Variants in TMEM174 observed in about 807,000 individuals in gnomAD.
The protein encoded by TMEM174 is transmembrane protein 174.
Under a neutral mutation model 15.1 loss-of-function variants are expected in TMEM174, and 11 were observed. The observed-to-expected ratio is 0.73, with a 90% CI of 0.46 to 1.20. The LOEUF is 1.20. Among genes scored for constraint, TMEM174 ranks in the 50% most tolerant of loss-of-function variants. The probability of loss-of-function intolerance (pLI) is 0.00; values close to 1 mark genes in which losing one functional copy is unlikely to be tolerated. For synonymous variants in TMEM174, 130 were observed against 121.3 expected, an observed-to-expected ratio of 1.07 and a Z score of -0.47; for missense variants, 321 against 303.6, an observed-to-expected ratio of 1.06 and a Z score of -0.43.
rs200375260 is a variant in TMEM174, at chr5:73,173,310, C to T, written c.67C>T (p.Pro23Ser). Residue 23 changes from proline (P) to serine (S), a missense_variant, in exon 1 of 2, where the codon CCC becomes TCC. Transcript: ENST00000296776. ...VNVFSVTPYT[P>S]STADIQVSDD... ...TGTGTTCTCCGTCACTCCTTACACACCCAGCACCGCTGACATCCAGGTGTC... is the reference window on the plus strand; with the variant it reads ...TGTGTTCTCCGTCACTCCTTACACATCCAGCACCGCTGACATCCAGGTGTC... 9.0e-5 allele frequency: 142 copies of T among 1,577,802 alleles called. No homozygotes were observed. The highest frequency in any genetic ancestry group is 1.5e-4 in the African/African-American group (11 of 74,318).
chr5:73,174,402 G>C lies in TMEM174; in HGVS notation c.*237G>C, dbSNP rs967955669. ...CTCCGGAACAGTTTCAAATTCCCTCGGGTAAGAAATCTCCTGTATAAGGTT... is the reference window on the plus strand; with the variant it reads ...CTCCGGAACAGTTTCAAATTCCCTCCGGTAAGAAATCTCCTGTATAAGGTT... On this transcript the variant is annotated 3_prime_UTR_variant, in exon 2 of 2. Coordinates refer to ENST00000296776, the MANE Select transcript of TMEM174 (RefSeq NM_153217.3). The C allele has an allele frequency of 9.7e-6, 5 of 513,662 alleles. No individual in the cohort carries two copies. The highest frequency in any genetic ancestry group is 6.5e-5 in the East Asian group (2 of 30,542). 31.8% of individuals were successfully genotyped at this position (513,662 alleles called of 1,614,324 possible). A position where few individuals can be genotyped will look rare whatever the true frequency, so the allele number is the denominator to read the frequency against.
chr5:73,173,984 G>A (rs1017252325), intron 1 of TMEM174, 76 bp from the exon 2 acceptor site: 3 of 1,605,610 alleles, frequency 1.9e-6, no homozygotes, highest in South Asian at 1.1e-5. Context: ...TTAGCCTGTT[G>A]CCCACGATGG....
chr5:73,173,515 G>A lies in TMEM174; in HGVS notation c.272G>A (p.Cys91Tyr), dbSNP rs760014201. 1 of 1,614,232 alleles carries A rather than the reference G, an allele frequency of 6.2e-7. No homozygotes were observed. Among genetic ancestry groups the A allele is most frequent in the South Asian group, 1.1e-5 (1 of 91,086 alleles). ...GTGACATTCATCCTGATTGCTGTGT[G>A]CAAGTTCAAAATGCTCTCCTGCCAG... The part of the protein sequence containing the change: ...VGVTFILIAV[C>Y]KFKMLSCQLC... The change falls in exon 1 of 2, where the codon TGC becomes TAC. Residue 91 changes from cysteine to tyrosine, a missense_variant. Physicochemically the swap from Cys to Tyr is radical, Grantham distance 194 (BLOSUM62 -2). Coordinates refer to ENST00000296776, the MANE Select transcript of TMEM174 (RefSeq NM_153217.3).
At position 73,174,072 on chromosome 5, in the gene TMEM174, T is replaced by A. The variant is rs142430113; in HGVS notation, c.639T>A (p.Asp213Glu). The A allele has an allele frequency of 4.0e-5, 65 of 1,613,838 alleles. No individual in the cohort carries two copies. The highest frequency in any genetic ancestry group is 4.8e-5 in the Non-Finnish European group (57 of 1,180,016). ...GCTCACATTTCAGGCCCAATCCTGATGTTGACCAGCTAGAAGAGACACAGC... is the reference window on the plus strand; with the variant it reads ...GCTCACATTTCAGGCCCAATCCTGAAGTTGACCAGCTAGAAGAGACACAGC... ...TDGGNHRPNP[D>E]VDQLEETQLE... The change falls in exon 2 of 2, where the codon GAT becomes GAA. Residue 213 changes from aspartate to glutamate, a missense_variant. Transcript: ENST00000296776.
At position 73,173,202 on chromosome 5, in the gene TMEM174, A is replaced by G. The variant is rs1347090706; in HGVS notation, c.-42A>G. The G allele has an allele frequency of 6.6e-7, 1 of 1,514,846 alleles. No individual in the cohort carries two copies. Among genetic ancestry groups the G allele is most frequent in the Admixed American group, 2.3e-5 (1 of 44,014 alleles). 93.8% of individuals were successfully genotyped at this position (1,514,846 alleles called of 1,614,324 possible). A position where few individuals can be genotyped will look rare whatever the true frequency, so the allele number is the denominator to read the frequency against. ...GACCTGTGATTCCTTGGTTCTCACA[A>G]TCCTCTCCACTCTAAGAAGCAGGGT... is the stretch of plus-strand genomic sequence containing the variant. On this transcript the variant is annotated 5_prime_UTR_variant, in exon 1 of 2. Coordinates refer to ENST00000296776, the MANE Select transcript of TMEM174 (RefSeq NM_153217.3).
rs1266115333 is a variant in TMEM174, at chr5:73,174,257, C to A, written c.*92C>A. Reference sequence around the variant, plus strand: ...ACAACCGTGGTGTTCTATGTTGTAACCTTCAGAAGTTACAGCAGCGCCCAG... The same window carrying A: ...ACAACCGTGGTGTTCTATGTTGTAAACTTCAGAAGTTACAGCAGCGCCCAG... On this transcript the variant is annotated 3_prime_UTR_variant, in exon 2 of 2. Coordinates refer to ENST00000296776, the MANE Select transcript of TMEM174 (RefSeq NM_153217.3). 1.7e-5 allele frequency: 21 copies of A among 1,260,946 alleles called. No individual in the cohort carries two copies. Among genetic ancestry groups the A allele is most frequent in the African/African-American group, 7.3e-5 (5 of 68,216 alleles). 78.1% of individuals were successfully genotyped at this position (1,260,946 alleles called of 1,614,324 possible). A position where few individuals can be genotyped will look rare whatever the true frequency, so the allele number is the denominator to read the frequency against.
chr5:73,174,380 C>T lies in TMEM174; in HGVS notation c.*215C>T, dbSNP rs531486349. 7.9e-4 allele frequency: 433 copies of T among 547,942 alleles called. 1 individual carries two copies. The highest frequency in any genetic ancestry group is 1.1e-3 in the Non-Finnish European group (352 of 308,554). 33.9% of individuals were successfully genotyped at this position (547,942 alleles called of 1,614,324 possible). A position where few individuals can be genotyped will look rare whatever the true frequency, so the allele number is the denominator to read the frequency against. ...AGGCTGGGCTGGGGAAATTCTCCTC[C>T]GGAACAGTTTCAAATTCCCTCGGGT... On this transcript the variant is annotated 3_prime_UTR_variant, in exon 2 of 2. Transcript: ENST00000296776.
rs772594188 is a variant in TMEM174, at chr5:73,173,711, C to T, written c.468C>T (p.Tyr156=). 3 of 1,614,152 alleles carry T rather than the reference C, an allele frequency of 1.9e-6. No homozygotes were observed. The highest frequency in any genetic ancestry group is 2.2e-5 in the South Asian group (2 of 91,080). The stretch of plus-strand genomic sequence containing the variant: ...AGCCTATGGGGATAAATACCAGCTA[C>T]CTGCAGTCTGTGGTGAGCCCCTGCG... ...SPEPMGINTS[Y]LQSVVSPCGL... is the part of the protein sequence containing the mutation. Residue 156 remains tyrosine (Y), a synonymous_variant, in exon 1 of 2, where the codon TAC becomes TAT. Transcript: ENST00000296776.
In TMEM174 at chr5:73,174,310, G is replaced by C; in HGVS notation, c.*145G>C. 1.4e-6 allele frequency: 1 copy of C among 696,728 alleles called. No individual in the cohort carries two copies. 43.2% of individuals were successfully genotyped at this position (696,728 alleles called of 1,614,324 possible). Reference sequence around the variant, plus strand: ...AGCCTGACAGAGATCATTCAAGGGGGGAAAGGGGAAGTGGGAGGTGCAATT... The same window carrying C: ...AGCCTGACAGAGATCATTCAAGGGGCGAAAGGGGAAGTGGGAGGTGCAATT... On this transcript the variant is annotated 3_prime_UTR_variant, in exon 2 of 2. Coordinates refer to ENST00000296776, the MANE Select transcript of TMEM174 (RefSeq NM_153217.3).
chr5:73,174,029 A>G, intron 1 of TMEM174, 31 bp from the exon 2 acceptor site: 1 of 1,611,914 alleles, frequency 6.2e-7, no homozygotes, highest in Non-Finnish European at 8.5e-7. Context: ...TTTGGACCAT[A>G]ATGTACCTGT....
At position 73,174,343 on chromosome 5, in the gene TMEM174, T is replaced by C. The variant is rs545055804; in HGVS notation, c.*178T>C. On this transcript the variant is annotated 3_prime_UTR_variant, in exon 2 of 2. Coordinates refer to ENST00000296776, the MANE Select transcript of TMEM174 (RefSeq NM_153217.3). ...GAAGTGGGAGGTGCAATTTCTCAGA[T>C]TGGTAAAAATTAGGCTGGGCTGGGG... 72 of 600,004 alleles carry C rather than the reference T, an allele frequency of 1.2e-4. 1 individual carries two copies. The highest frequency in any genetic ancestry group is 3.0e-4 in the African/African-American group (16 of 53,986). The allele number at this position is 600,004 out of a possible 1,614,324, so 37.2% of individuals were successfully genotyped here.
At chr5:73,174,018 C>A in intron 1 of TMEM174, 42 bp from the exon 2 acceptor site, 1 of 1,611,602 alleles carries the variant, frequency 6.2e-7, no homozygotes, top group Non-Finnish European at 8.5e-7. Context: ...GTGAATGGTG[C>A]TTTGGACCAT....
rs1745025797 is a variant in TMEM174, at chr5:73,174,116, C to G, written c.683C>G (p.Ala228Gly). The change falls in exon 2 of 2, where the codon GCC (alanine) becomes GGC (glycine). Residue 228 changes from alanine (A) to glycine (G), a missense_variant. By Grantham distance (60) the Ala-to-Gly change is moderately conservative (BLOSUM62 0). Coordinates refer to ENST00000296776, the MANE Select transcript of TMEM174 (RefSeq NM_153217.3). ...EETQLEEEACACFSPPPYEEI... is the reference protein window; with the variant it reads ...EETQLEEEACGCFSPPPYEEI... ...ACACAGCTGGAAGAGGAGGCCTGTG[C>G]CTGCTTCTCTCCTCCCCCTTATGAA... is the stretch of plus-strand genomic sequence containing the variant. The G allele has an allele frequency of 6.2e-7, 1 of 1,614,012 alleles. No individual in the cohort carries two copies. The highest frequency in any genetic ancestry group is 8.5e-7 in the Non-Finnish European group (1 of 1,180,034).
Position 73,173,888 on chromosome 5 carries a change from G to T in TMEM174, c.626+19G>T. The stretch of plus-strand genomic sequence containing the variant: ...ATCACAGGTATGGCGTGTCTACTGG[G>T]GGAATGCACTCCTTCTAGCCATCTC... On this transcript the variant is annotated intron_variant, in intron 1 of 1. Coordinates refer to ENST00000296776, the MANE Select transcript of TMEM174 (RefSeq NM_153217.3). 2 of 1,604,114 alleles carry T rather than the reference G, an allele frequency of 1.2e-6. No individual in the cohort carries two copies. Among genetic ancestry groups the T allele is most frequent in the Non-Finnish European group, 1.7e-6 (2 of 1,173,606 alleles).
chr5:73,173,302 C>A lies in TMEM174; in HGVS notation c.59C>A (p.Pro20His). Reference sequence around the variant, plus strand: ...CCTGTCAATGTGTTCTCCGTCACTCCTTACACACCCAGCACCGCTGACATC... The same window carrying A: ...CCTGTCAATGTGTTCTCCGTCACTCATTACACACCCAGCACCGCTGACATC... Reference protein sequence around the residue: ...DFPVNVFSVTPYTPSTADIQV... With the variant: ...DFPVNVFSVTHYTPSTADIQV... The change falls in exon 1 of 2, where the codon CCT becomes CAT. Residue 20 changes from proline (P) to histidine (H), a missense_variant. Coordinates refer to ENST00000296776, the MANE Select transcript of TMEM174 (RefSeq NM_153217.3). 6.4e-7 allele frequency: 1 copy of A among 1,570,190 alleles called. No homozygotes were observed. Among genetic ancestry groups the A allele is most frequent in the South Asian group, 1.2e-5 (1 of 82,332 alleles).
Position 73,173,359 on chromosome 5 carries a change from C to T in TMEM174, c.116C>T (p.Thr39Ile), listed in dbSNP as rs747212657. 1.2e-6 allele frequency: 2 copies of T among 1,608,382 alleles called. No individual in the cohort carries two copies. The highest frequency in any genetic ancestry group is 2.2e-5 in the South Asian group (2 of 90,588). ...TCCGATGATGACAAGGCGGGGGCCA[C>T]CTTGCTCTTCTCAGGCATCTTTCTG... ...QVSDDDKAGA[T>I]LLFSGIFLGL... is the part of the protein sequence containing the mutation. The change falls in exon 1 of 2, where the codon ACC becomes ATC. Residue 39 changes from threonine (T) to isoleucine (I), a missense_variant. Coordinates refer to ENST00000296776, the MANE Select transcript of TMEM174 (RefSeq NM_153217.3).
At chr5:73,173,917 C>T in intron 1 of TMEM174, 48 bp downstream of exon 1, 1 of 1,594,716 alleles carries the variant, frequency 6.3e-7, no homozygotes, top group Non-Finnish European at 8.6e-7. Flanking sequence ...CCATCTCCGT[C>T]ATGATCTGTG....
intron 1 of TMEM174, 63 bp from the exon 2 acceptor site, chr5:73,173,997 G>A (rs1745023692): frequency 6.2e-7 from 1 of 1,608,908 alleles, no homozygotes; most frequent in Non-Finnish European, 8.5e-7. Context: ...CACGATGGCA[G>A]CCTTGGTTCT....
intron 1 of TMEM174, 94 bp from the exon 2 acceptor site, chr5:73,173,966 A>G (rs890142623): frequency 1.3e-6 from 2 of 1,599,976 alleles, no homozygotes; most frequent in Non-Finnish European, 1.7e-6. Context: ...GAGACTGTGA[A>G]TCTCTTCTTA....
Sources: gnomAD v4.1 joint callset for allele counts on GRCh38, gnomAD v4.1.1 for gene constraint, MANE v1.5 for transcripts, NCBI Gene and HGNC (gene_info 2026-07-23, HGNC 2026-07-21) for gene names.